IMMT: variants seen among roughly 807,000 people sequenced by gnomAD.
The protein encoded by IMMT is inner membrane mitochondrial protein, also known as MICOS complex subunit MIC60.
Under a neutral mutation model 92.7 loss-of-function variants are expected in IMMT, and 40 were observed. That is an observed-to-expected ratio of 0.43 (90% CI 0.34 to 0.56). IMMT has a LOEUF of 0.56. Ranked by LOEUF, IMMT falls within the 20% of genes least tolerant of loss-of-function variation. IMMT has a pLI of 0.03. For missense variants in IMMT, 831 were observed against 912.1 expected, an observed-to-expected ratio of 0.91 and a Z score of 1.14; for synonymous variants, 322 against 336.1, an observed-to-expected ratio of 0.96 and a Z score of 0.46.
chr2:86,165,728 AC>A lies in IMMT; in HGVS notation c.792+779del, dbSNP rs1263156402. 5.9e-4 allele frequency among the ~76,000 whole-genome samples: 87 copies of A among 146,828 alleles called. No individual in the cohort carries two copies. The Middle Eastern group carries it at 0.032, about 53-fold the overall frequency. ...TAAATTTTGAAAAATCAATGTTATT[AC>A]TTCATTCTTTGAAGTGTTTCGCATA... On this transcript the variant is annotated intron_variant, in intron 7 of 14. Transcript: ENST00000410111.
At chr2:86,145,218 G>A (rs944825271) in intron 14 of IMMT, among the ~76,000 whole-genome samples, 1 of 151,992 alleles carries the variant, frequency 6.6e-6, no homozygotes, top group Non-Finnish European at 1.5e-5. Context: ...TTCAGGGCCA[G>A]GCACAATGGC....
At position 86,144,370 on chromosome 2, in the gene IMMT, C is replaced by A. The variant is rs373987983; in HGVS notation, c.2175G>T (p.Leu725=). Residue 725 remains leucine (L), a synonymous_variant, in exon 15 of 15, where the codon CTG becomes CTT. Transcript: ENST00000410111. ...GESRRVAQDW[L]KEARMTLETK... ...TTTCTAGGGTCATTCGGGCTTCCTT[C>A]AGCCAGTCCTGTGCCACTCGTCTGG... 1.5e-5 allele frequency: 24 copies of A among 1,613,908 alleles called. No homozygotes were observed. The African/African-American group carries it at 3.2e-4, about 22-fold the overall frequency.
chr2:86,161,276 C>T (rs1198683287), intron 8 of IMMT, among the ~76,000 whole-genome samples: 1 of 151,968 alleles, frequency 6.6e-6, no homozygotes, highest in African/African-American at 2.4e-5. Context: ...ATTCTCCTAC[C>T]TCAGCCTCCC....
intron 1 of IMMT, among the ~76,000 whole-genome samples, chr2:86,190,417 T>C (rs896909265): frequency 1.3e-5 from 2 of 152,224 alleles, no homozygotes; most frequent in African/African-American, 4.8e-5. Context: ...TTTCAAGTTA[T>C]AAGCAGGAAA....
Position 86,195,294 on chromosome 2 carries a change from C to G in IMMT, c.45+44G>C, listed in dbSNP as rs555256504. The G allele has an allele frequency of 6.5e-4, 977 of 1,510,992 alleles. 13 individuals are homozygous for G. The South Asian group carries it at 0.011, about 17-fold the overall frequency. 93.6% of individuals were successfully genotyped at this position (1,510,992 alleles called of 1,614,324 possible). ...GCTCCCCCGTTTTTCGCTGACGGTT[C>G]TAGTTCAGCCTCCTCACGCGCCTCC... is the stretch of plus-strand genomic sequence containing the variant. On this transcript the variant is annotated intron_variant, in intron 1 of 14. Transcript: ENST00000410111.
At chr2:86,147,620 CTCAGAGTACATTAAAAGGAAAGGAGAG>C in intron 13 of IMMT, 55 bp downstream of exon 13, 2 of 1,398,754 alleles carry the variant, frequency 1.4e-6, no homozygotes, top group Non-Finnish European at 1.9e-6. Flanking sequence ...CTTCGACATC[CTCAGAGTACATTAAAAGGAAAGGAGAG>C]TCTCTTAATC....
chr2:86,155,679 A>G (rs1248557447), intron 10 of IMMT, among the ~76,000 whole-genome samples: 1 of 152,226 alleles, frequency 6.6e-6, no homozygotes, highest in East Asian at 1.9e-4. Context: ...TAGGGAAATA[A>G]TAAGAGCAAT....
intron 4 of IMMT, among the ~76,000 whole-genome samples, chr2:86,172,833 C>T (rs1347222164): frequency 6.6e-6 from 1 of 152,266 alleles, no homozygotes; most frequent in East Asian, 1.9e-4. Flanking sequence ...ATGACTTACC[C>T]CCCTTATCTC....
intron 11 of IMMT, among the ~76,000 whole-genome samples, chr2:86,153,283 G>A (rs1339321918): frequency 1.4e-5 from 2 of 139,728 alleles, no homozygotes; most frequent in Non-Finnish European, 3.0e-5. Flanking sequence ...ATTCTCCAAA[G>A]TAATCAGTTA....
At chr2:86,195,299 T>A in intron 1 of IMMT, 39 bp downstream of exon 1, 1 of 1,520,258 alleles carries the variant, frequency 6.6e-7, no homozygotes, top group Non-Finnish European at 8.8e-7. Context: ...CGGTTCTAGT[T>A]CAGCCTCCTC....
At chr2:86,177,556 G>A (rs1028130364) in intron 3 of IMMT, among the ~76,000 whole-genome samples, 8 of 151,732 alleles carry the variant, frequency 5.3e-5, no homozygotes, top group Admixed American at 3.3e-4. Flanking sequence ...ATCCGAGATC[G>A]CGCCACTGCA....
In IMMT at chr2:86,163,959, C is replaced by CAAAAAAAAAAAAA. The variant is rs70953998; in HGVS notation, c.793-1881_793-1880insTTTTTTTTTTTTT. Among the ~76,000 whole-genome samples the CAAAAAAAAAAAAA allele has an allele frequency of 3.3e-5, 3 of 91,930 alleles. 1 individual carries two copies. Among genetic ancestry groups the CAAAAAAAAAAAAA allele is most frequent in the Non-Finnish European group, 4.6e-5 (2 of 43,594 alleles). 60.3% of individuals were successfully genotyped at this position (91,930 alleles called of 152,430 possible). On this transcript the variant is annotated intron_variant, in intron 7 of 14. Coordinates refer to ENST00000410111, the MANE Select transcript of IMMT (RefSeq NM_006839.3). ...GGGCAACAAAGCAAGACTCCATCTC[C>CAAAAAAAAAAAAA]AAAAAAAAAGAATGTTCTATGTAAA...
intron 10 of IMMT, among the ~76,000 whole-genome samples, chr2:86,157,919 C>T (rs1282329331): frequency 6.6e-6 from 1 of 151,152 alleles, no homozygotes; most frequent in Non-Finnish European, 1.5e-5. Flanking sequence ...TGGAGGACTA[C>T]ACTCCAGCCT....
At chr2:86,153,516 C>T (rs766888302) in intron 11 of IMMT, 44 bp downstream of exon 11, 9 of 1,241,202 alleles carry the variant, frequency 7.3e-6, no homozygotes, top group Non-Finnish European at 7.7e-6. Context: ...TCTCTTAATA[C>T]CCAAAACAAA....
intron 11 of IMMT, among the ~76,000 whole-genome samples, chr2:86,153,117 A>T (rs773329541): frequency 2.0e-5 from 3 of 152,332 alleles, no homozygotes; most frequent in Non-Finnish European, 4.4e-5. Flanking sequence ...GAAAGTATTT[A>T]CAAGTGAAAG....
intron 1 of IMMT, among the ~76,000 whole-genome samples, chr2:86,184,203 C>G (rs988447303): frequency 2.6e-5 from 4 of 151,818 alleles, no homozygotes; most frequent in African/African-American, 9.7e-5. Context: ...GAGTCTTGCT[C>G]TGTTGCCAAG....
At chr2:86,174,283 A>T (rs1167009027) in intron 3 of IMMT, among the ~76,000 whole-genome samples, 1 of 152,220 alleles carries the variant, frequency 6.6e-6, no homozygotes. Flanking sequence ...GCCTGCTCTA[A>T]GTTTAAGACA....
chr2:86,171,862 A>ATTT (rs10659146), intron 4 of IMMT, among the ~76,000 whole-genome samples: 3 of 149,858 alleles, frequency 2.0e-5, no homozygotes, highest in Non-Finnish European at 4.4e-5. Context: ...ATATATATAT[A>ATTT]TTTTTTGCAC....
At position 86,170,852 on chromosome 2, in the gene IMMT, C is replaced by T. The variant is rs893129174; in HGVS notation, c.560-8G>A. The T allele has an allele frequency of 5.8e-6, 9 of 1,557,206 alleles. No homozygotes were observed. In the African/African-American group the frequency reaches 1.1e-4, roughly 19 times the overall value. ...AAGATGAGGATGCTTCTTCTTGCAG[C>T]AAAAGTAAATAAGAGGAAATCAAAT... On this transcript the variant is annotated splice_region_variant and splice_polypyrimidine_tract_variant and intron_variant, in intron 5 of 14. Coordinates refer to ENST00000410111, the MANE Select transcript of IMMT (RefSeq NM_006839.3).
Sources: allele counts gnomAD v4.1 joint callset (sites outside exome capture counted in the v4.1 genomes callset), GRCh38; gene constraint gnomAD v4.1.1; transcripts MANE v1.5; gene names NCBI Gene and HGNC (gene_info 2026-07-23, HGNC 2026-07-21).